Variants in FMN2 observed in about 807,000 individuals in gnomAD.
FMN2 encodes formin-2.
Under a neutral mutation model 142.3 loss-of-function variants are expected in FMN2, and 51 were observed. The observed-to-expected ratio is 0.36, with a 90% CI of 0.29 to 0.45. The LOEUF (loss-of-function observed/expected upper bound fraction) is 0.45. FMN2 is among the 20% of genes least tolerant of loss of function. The probability of loss-of-function intolerance (pLI) is 1.00; values close to 1 mark genes in which losing one functional copy is unlikely to be tolerated. For synonymous variants in FMN2, 882 were observed against 869.8 expected, an observed-to-expected ratio of 1.01 and a Z score of -0.25; for missense variants, 1,936 against 2,122.8, an observed-to-expected ratio of 0.91 and a Z score of 1.73.
At chr1:240,328,164 A>AAAAAAAAAAAAAAAAAG (rs1558435705) in intron 8 of FMN2, among the ~76,000 whole-genome samples, 1 of 148,872 alleles carries the variant, frequency 6.7e-6, no homozygotes, top group Non-Finnish European at 1.5e-5. Flanking sequence ...AAAAAAAAAA[A>AAAAAAAAAAAAAAAAAG]AAAAAAAAGA....
In FMN2 at chr1:240,277,382, C is replaced by T. The variant is rs1030770061; in HGVS notation, c.4154-17440C>T. The stretch of plus-strand genomic sequence containing the variant: ...TAAGACCAGCAGGTCTAAACTCTCC[C>T]GGACTCTAGGACTGCCATGTTTGAA... On this transcript the variant is annotated intron_variant, in intron 7 of 17. Transcript: ENST00000319653. Among the ~76,000 whole-genome samples, 5 of 150,120 alleles carry T rather than the reference C, an allele frequency of 3.3e-5. No homozygotes were observed. The South Asian group carries it at 6.3e-4, about 19-fold the overall frequency.
rs777228663 is a variant in FMN2 at position 240,329,178 on chromosome 1, CTT to C, written c.4307+12_4307+13del. The C allele has an allele frequency of 4.3e-6, 7 of 1,613,716 alleles. No individual in the cohort carries two copies. The South Asian group carries it at 5.5e-5, about 13-fold the overall frequency. On this transcript the variant is annotated intron_variant, in intron 9 of 17. Coordinates refer to ENST00000319653, the MANE Select transcript of FMN2 (RefSeq NM_020066.5). ...GGACAAACCTGAACAGTAAGCATGTCTTATAACCACGTAGAGGGCGTCCAGGC... is the reference window on the plus strand; with the variant it reads ...GGACAAACCTGAACAGTAAGCATGTCATAACCACGTAGAGGGCGTCCAGGC...
At chr1:240,339,077 TGAG>T (rs1336776877) in intron 13 of FMN2, among the ~76,000 whole-genome samples, 5 of 152,152 alleles carry the variant, frequency 3.3e-5, no homozygotes, top group Non-Finnish European at 5.9e-5. Flanking sequence ...ATGCTTGCGA[TGAG>T]GAGCGGCTAT....
chr1:240,395,883 C>T (rs1479472525), intron 15 of FMN2, among the ~76,000 whole-genome samples: 3 of 152,190 alleles, frequency 2.0e-5, no homozygotes, highest in African/African-American at 7.2e-5. Context: ...AGAGGATTTA[C>T]TCCAATTTTG....
rs1027765567 is a variant in FMN2 at position 240,092,059 on chromosome 1, C to T, written c.-51C>T. 2.0e-6 allele frequency: 3 copies of T among 1,510,078 alleles called. No homozygotes were observed. Among genetic ancestry groups the T allele is most frequent in the Admixed American group, 2.2e-5 (1 of 46,308 alleles). 93.5% of individuals were successfully genotyped at this position (1,510,078 alleles called of 1,614,324 possible). ...GCCCGGACCTGGGGCCGAGGAGGGC[C>T]GGGATGGCCTGAGTGCCCGCGGCGC... On this transcript the variant is annotated 5_prime_UTR_variant, in exon 1 of 18. Transcript: ENST00000319653.
chr1:240,223,442 T>TG (rs1667191832), intron 6 of FMN2, among the ~76,000 whole-genome samples: 1 of 152,168 alleles, frequency 6.6e-6, no homozygotes, highest in Admixed American at 6.5e-5. Context: ...GGCCTGAAAT[T>TG]TTTTTGTTTT....
At chr1:240,446,515 T>C (rs1436586126) in intron 16 of FMN2, among the ~76,000 whole-genome samples, 1 of 152,226 alleles carries the variant, frequency 6.6e-6, no homozygotes, top group Non-Finnish European at 1.5e-5. Context: ...GATCAAAATA[T>C]ACTTCCTGGA....
At position 240,205,373 on chromosome 1, in the gene FMN2, TTCTC is replaced by T. The variant is rs372102625; in HGVS notation, c.1987-1422_1987-1419del. ...TCTTCCTATGTTTGTTTGTCTTCCT[TTCTC>T]TCTATCAATTCCTTCTTCCTCTCTT... On this transcript the variant is annotated intron_variant, in intron 4 of 17. Coordinates refer to ENST00000319653, the MANE Select transcript of FMN2 (RefSeq NM_020066.5). Among the ~76,000 whole-genome samples the T allele has an allele frequency of 1.7e-3, 253 of 152,244 alleles. 1 individual carries two copies. The highest frequency in any genetic ancestry group is 5.8e-3 in the African/African-American group (241 of 41,526).
chr1:240,255,002 A>G (rs115061710), intron 6 of FMN2, among the ~76,000 whole-genome samples: 2,513 of 152,204 alleles, frequency 0.017, 70 homozygotes, highest in African/African-American at 0.057. Flanking sequence ...GTGGCTCCCA[A>G]TGTTAGCCTC....
intron 2 of FMN2, chr1:240,143,603 G>C: frequency 6.2e-7 from 1 of 1,609,268 alleles, no homozygotes; most frequent in Non-Finnish European, 8.5e-7. Flanking sequence ...ACATCTACCA[G>C]TGTGTTGGCA....
intron 7 of FMN2, among the ~76,000 whole-genome samples, chr1:240,277,280 A>C (rs1029345697): frequency 6.6e-6 from 1 of 152,262 alleles, no homozygotes; most frequent in Non-Finnish European, 1.5e-5. Flanking sequence ...AGTTGACATT[A>C]ATTATTTCAT....
chr1:240,110,120 G>T (rs556190554), intron 1 of FMN2, among the ~76,000 whole-genome samples: 3 of 152,184 alleles, frequency 2.0e-5, no homozygotes, highest in African/African-American at 4.8e-5. Flanking sequence ...GGCACAGACC[G>T]CATGGTCTGT....
Position 240,258,830 on chromosome 1 carries a change from G to A in FMN2, c.4153+798G>A, listed in dbSNP as rs150252687. ...TTAAGCTGACTAGAACCTAAGAATA[G>A]ATTTAAAGCAGATTGAATTATCCAA... On this transcript the variant is annotated intron_variant, in intron 7 of 17. Transcript: ENST00000319653. Among the ~76,000 whole-genome samples the A allele has an allele frequency of 3.1e-3, 469 of 152,226 alleles. 1 individual carries two copies. The highest frequency in any genetic ancestry group is 0.011 in the African/African-American group (457 of 41,556).
chr1:240,392,486 T>C, intron 14 of FMN2, 25 bp from the exon 15 acceptor site: 2 of 1,601,112 alleles, frequency 1.2e-6, no homozygotes, highest in Non-Finnish European at 1.7e-6. Flanking sequence ...TTATCTCATG[T>C]ACTTTTATTT....
intron 7 of FMN2, among the ~76,000 whole-genome samples, chr1:240,281,640 A>G (rs919070915): frequency 2.0e-5 from 3 of 152,180 alleles, no homozygotes; most frequent in African/African-American, 7.2e-5. Context: ...GTCTCTCGAG[A>G]GTACATTTTT....
intron 13 of FMN2, among the ~76,000 whole-genome samples, chr1:240,343,499 C>T (rs1021619926): frequency 6.6e-6 from 1 of 152,000 alleles, no homozygotes; most frequent in Non-Finnish European, 1.5e-5. Flanking sequence ...GTTGATAAGC[C>T]GAACATACAG....
At chr1:240,438,607 AG>A (rs1675489501) in intron 16 of FMN2, among the ~76,000 whole-genome samples, 1 of 152,266 alleles carries the variant, frequency 6.6e-6, no homozygotes, top group African/African-American at 2.4e-5. Flanking sequence ...GGATATTGTC[AG>A]TTTACCACTC....
chr1:240,379,048 A>G (rs1380553002), intron 14 of FMN2, among the ~76,000 whole-genome samples: 2 of 152,158 alleles, frequency 1.3e-5, no homozygotes, highest in Non-Finnish European at 2.9e-5. Flanking sequence ...TTGGGTGTGT[A>G]GGTTTTGTGC....
chr1:240,322,385 ATAT>A (rs1316899225), intron 8 of FMN2, among the ~76,000 whole-genome samples: 3 of 152,072 alleles, frequency 2.0e-5, no homozygotes, highest in Non-Finnish European at 4.4e-5. Context: ...TGATTCTATG[ATAT>A]TATACTAATT....
Sources: gnomAD v4.1 joint callset for allele counts (sites outside exome capture counted in the v4.1 genomes callset) on GRCh38, gnomAD v4.1.1 for gene constraint, MANE v1.5 for transcripts, NCBI Gene and HGNC (gene_info 2026-07-23, HGNC 2026-07-21) for gene names.